Variants in LRMDA observed in about 807,000 individuals in gnomAD.
LRMDA encodes the protein leucine-rich melanocyte differentiation-associated protein.
In LRMDA, 18 loss-of-function variants were observed where a neutral mutation model predicts 29.8. The observed-to-expected ratio is 0.60, with a 90% CI of 0.42 to 0.90. LRMDA has a LOEUF of 0.90. Ranked by LOEUF, LRMDA falls within the 40% of genes least tolerant of loss-of-function variation. The pLI is 0.00. For synonymous variants in LRMDA, 125 were observed against 109.4 expected, an observed-to-expected ratio of 1.14 and a Z score of -0.89; for missense variants, 273 against 273.9, an observed-to-expected ratio of 1.00 and a Z score of 0.02.
At chr10:76,172,094 G>A in intron 5 of LRMDA, among the ~76,000 whole-genome samples, 2 of 152,098 alleles carry the variant, frequency 1.3e-5, no homozygotes, top group East Asian at 3.9e-4. Flanking sequence ...CTCTCAAGGG[G>A]ACTAATCTCT....
chr10:76,374,784 T>G (rs985305829), intron 6 of LRMDA, among the ~76,000 whole-genome samples: 3 of 152,202 alleles, frequency 2.0e-5, no homozygotes, highest in African/African-American at 7.2e-5. Flanking sequence ...GAGTTAATTC[T>G]GTTAGATTTG....
intron 6 of LRMDA, among the ~76,000 whole-genome samples, chr10:76,344,943 TAA>T (rs1841084867): frequency 6.8e-6 from 1 of 146,324 alleles, no homozygotes; most frequent in Admixed American, 6.8e-5. Context: ...AAAAAAAGCA[TAA>T]GATAACTCAT....
chr10:76,286,633 T>C (rs1840274901), intron 5 of LRMDA, among the ~76,000 whole-genome samples: 1 of 152,156 alleles, frequency 6.6e-6, no homozygotes, highest in Non-Finnish European at 1.5e-5. Flanking sequence ...CAACCCACCA[T>C]GGCCTAGGAA....
chr10:76,212,609 G>A (rs1408437448), intron 5 of LRMDA, among the ~76,000 whole-genome samples: 1 of 152,174 alleles, frequency 6.6e-6, no homozygotes, highest in African/African-American at 2.4e-5. Context: ...CAGCCAAAAG[G>A]CAAAGAAGCT....
intron 5 of LRMDA, among the ~76,000 whole-genome samples, chr10:76,084,068 G>T (rs1004999713): frequency 1.3e-5 from 2 of 152,184 alleles, no homozygotes; most frequent in Non-Finnish European, 2.9e-5. Flanking sequence ...GTGTGGACAA[G>T]TGGCTAGGGA....
At chr10:75,805,331 G>A (rs1057234932) in intron 2 of LRMDA, among the ~76,000 whole-genome samples, 1 of 152,240 alleles carries the variant, frequency 6.6e-6, no homozygotes, top group African/African-American at 2.4e-5. Context: ...CTGCCTGAGA[G>A]GAGTGCTTCG....
At chr10:75,868,443 G>C (rs184199780) in intron 2 of LRMDA, among the ~76,000 whole-genome samples, 31 of 152,318 alleles carry the variant, frequency 2.0e-4, no homozygotes, top group Admixed American at 1.3e-3. Flanking sequence ...TCAAGAGATA[G>C]GAGAATGCCT....
chr10:75,954,154 C>A (rs536341402), intron 2 of LRMDA, among the ~76,000 whole-genome samples: 37 of 152,310 alleles, frequency 2.4e-4, no homozygotes, highest in African/African-American at 8.2e-4. Context: ...TTCTGCCTGC[C>A]ACCTGAATGA....
chr10:75,713,760 G>C (rs547908835), intron 2 of LRMDA, among the ~76,000 whole-genome samples: 1 of 152,120 alleles, frequency 6.6e-6, no homozygotes, highest in African/African-American at 2.4e-5. Flanking sequence ...TGATGCTGAT[G>C]GATCTAGTAC....
intron 5 of LRMDA, among the ~76,000 whole-genome samples, chr10:76,165,820 C>G (rs2132184928): frequency 6.6e-6 from 1 of 152,300 alleles, no homozygotes; most frequent in South Asian, 2.1e-4. Flanking sequence ...CCCCCCACAA[C>G]ACGTGTGGAT....
intron 2 of LRMDA, among the ~76,000 whole-genome samples, chr10:75,884,275 GT>G (rs373832801): frequency 0.18 from 26,538 of 146,242 alleles, 2,522 homozygotes; most frequent in Admixed American, 0.22. Flanking sequence ...GTGTGTGTGT[GT>G]GTGTGTGTGT....
chr10:76,128,409 A>G (rs1480976922), intron 5 of LRMDA, among the ~76,000 whole-genome samples: 10 of 152,222 alleles, frequency 6.6e-5, no homozygotes, highest in Non-Finnish European at 1.5e-5. Context: ...TTTCAGGTCA[A>G]GAGTGGGAGG....
intron 6 of LRMDA, among the ~76,000 whole-genome samples, chr10:76,361,439 G>T (rs569532273): frequency 6.6e-6 from 1 of 152,070 alleles, no homozygotes; most frequent in Non-Finnish European, 1.5e-5. Context: ...GGAGCAAGAA[G>T]ATAATGGAAA....
chr10:75,852,310 A>G (rs1295599419), intron 2 of LRMDA, among the ~76,000 whole-genome samples: 1 of 152,242 alleles, frequency 6.6e-6, no homozygotes, highest in Non-Finnish European at 1.5e-5. Flanking sequence ...TAATCTGCAT[A>G]TATTAGGTAT....
At chr10:76,056,649 C>T (rs1344229808) in intron 4 of LRMDA, among the ~76,000 whole-genome samples, 1 of 152,242 alleles carries the variant, frequency 6.6e-6, no homozygotes, top group East Asian at 1.9e-4. Context: ...CATGTACACA[C>T]TCAGCCAGAT....
At chr10:75,950,444 T>G (rs751975597) in intron 2 of LRMDA, among the ~76,000 whole-genome samples, 2 of 152,218 alleles carry the variant, frequency 1.3e-5, no homozygotes, top group Non-Finnish European at 2.9e-5. Flanking sequence ...CTACCTTATG[T>G]CATAGACAGC....
At chr10:76,115,272 G>T (rs1342413464) in intron 5 of LRMDA, among the ~76,000 whole-genome samples, 1 of 152,216 alleles carries the variant, frequency 6.6e-6, no homozygotes, top group East Asian at 1.9e-4. Context: ...TTGCTCATAG[G>T]TATATAAATC....
At chr10:76,518,280 C>CT (rs1554825367) in intron 6 of LRMDA, among the ~76,000 whole-genome samples, 1 of 146,570 alleles carries the variant, frequency 6.8e-6, no homozygotes, top group Non-Finnish European at 1.5e-5. Flanking sequence ...ATTTATCTAT[C>CT]ATCTATCTAT....
chr10:75,738,937 C>T (rs182109102), intron 2 of LRMDA, among the ~76,000 whole-genome samples: 17 of 152,206 alleles, frequency 1.1e-4, no homozygotes, highest in African/African-American at 4.1e-4. Flanking sequence ...TTTTCTCGTT[C>T]ACAAGTCAGT....
Sources: gnomAD v4.1 joint callset for allele counts (sites outside exome capture counted in the v4.1 genomes callset) on GRCh38, gnomAD v4.1.1 for gene constraint, MANE v1.5 for transcripts, NCBI Gene and HGNC (gene_info 2026-07-23, HGNC 2026-07-21) for gene names.